PAX2: variants seen among roughly 807,000 people sequenced by gnomAD.
The protein encoded by PAX2 is paired box 2.
PAX2 carries 9 observed loss-of-function variants against 41.7 expected under a neutral mutation model. That is an observed-to-expected ratio of 0.22 (90% CI 0.13 to 0.38). PAX2 has a LOEUF of 0.38. Among genes scored for constraint, PAX2 ranks in the 10% least tolerant of loss-of-function variants. The probability of loss-of-function intolerance (pLI) is 1.00; values close to 1 mark genes in which losing one functional copy is unlikely to be tolerated. For synonymous variants in PAX2, 221 were observed against 212.7 expected (o/e 1.04, Z -0.34); for missense variants, 418 against 531.6 (o/e 0.79, Z 2.10).
At chr10:100,756,030 G>A (rs1468572023) in intron 3 of PAX2, among the ~76,000 whole-genome samples, 1 of 152,146 alleles carries the variant, frequency 6.6e-6, no homozygotes, top group Non-Finnish European at 1.5e-5. Flanking sequence ...CATGTGTTTT[G>A]GACAGCATTT....
At chr10:100,764,332 A>G (rs1845945327) in intron 3 of PAX2, among the ~76,000 whole-genome samples, 1 of 151,710 alleles carries the variant, frequency 6.6e-6, no homozygotes, top group Non-Finnish European at 1.5e-5. Context: ...TTTAGTAGAG[A>G]CAGGGTTTCA....
upstream of PAX2, among the ~76,000 whole-genome samples, chr10:100,744,846 C>G (rs1414020728): frequency 6.6e-6 from 1 of 152,162 alleles, no homozygotes; most frequent in East Asian, 1.9e-4. Context: ...TGCCCAGACC[C>G]GGTGGGCAAG....
intron 1 of PAX2, among the ~76,000 whole-genome samples, chr10:100,738,789 G>A (rs1397757313): frequency 1.3e-5 from 2 of 152,100 alleles, no homozygotes; most frequent in Non-Finnish European, 2.9e-5. Flanking sequence ...TGTAGGTGAC[G>A]CTTGAGATGC....
At position 100,750,123 on chromosome 10, in the gene PAX2, C is replaced by T. The variant is rs184992787; in HGVS notation, c.212+209C>T. ...GAGGGTGGCGCAGTGTCACCCAGTG[C>T]TTGCCCTGCCCCTGGTCCCTGGTGA... On this transcript the variant is annotated intron_variant, in intron 2 of 9. Transcript: ENST00000355243. The surrounding 1 kb of genome is among the most constrained non-coding windows in gnomAD (Gnocchi z 4.1). 5.1e-3 allele frequency among the ~76,000 whole-genome samples: 773 copies of T among 152,314 alleles called. 7 individuals carry two copies. Among genetic ancestry groups the T allele is most frequent in the Admixed American group, 0.012 (189 of 15,310 alleles).
At position 100,771,956 on chromosome 10, in the gene PAX2, G is replaced by A. The variant is rs567180978; in HGVS notation, c.411-7542G>A. Among the ~76,000 whole-genome samples the A allele has an allele frequency of 5.3e-5, 8 of 152,074 alleles. No homozygotes were observed. The East Asian group carries it at 7.7e-4, about 15-fold the overall frequency. ...CCAGTAGCAGGGATTACAGGCATCC[G>A]CCACCATGCCCGGCTAATTTTTGTA... On this transcript the variant is annotated intron_variant, in intron 3 of 9. Coordinates refer to ENST00000355243, the MANE Select transcript of PAX2 (RefSeq NM_000278.5).
chr10:100,745,883 T>A lies in PAX2; in HGVS notation c.-378T>A. ...CGCTCTCCGACCACCGCCTCTCGGATGACCAGGTTCCAGGGGAGCTGAGCG... is the reference window on the plus strand; with the variant it reads ...CGCTCTCCGACCACCGCCTCTCGGAAGACCAGGTTCCAGGGGAGCTGAGCG... On this transcript the variant is annotated 5_prime_UTR_variant, in exon 1 of 10. An upstream start codon of the reference 5' UTR is lost. Coordinates refer to ENST00000355243, the MANE Select transcript of PAX2 (RefSeq NM_000278.5). 1 of 1,106,716 alleles carries A rather than the reference T, an allele frequency of 9.0e-7. No homozygotes were observed. Among genetic ancestry groups the A allele is most frequent in the Admixed American group, 5.3e-5 (1 of 18,790 alleles). The allele number at this position is 1,106,716 out of a possible 1,614,324, so 68.6% of individuals were successfully genotyped here. A position where few individuals can be genotyped will look rare whatever the true frequency, so the allele number is the denominator to read the frequency against.
chr10:100,785,821 T>C (rs1387939182), intron 5 of PAX2, among the ~76,000 whole-genome samples: 1 of 152,104 alleles, frequency 6.6e-6, no homozygotes, highest in East Asian at 1.9e-4. Context: ...GCAGTGGGGC[T>C]CAGTGGGAAT....
At chr10:100,760,891 G>A (rs760755704) in intron 3 of PAX2, among the ~76,000 whole-genome samples, 14 of 152,124 alleles carry the variant, frequency 9.2e-5, no homozygotes, top group African/African-American at 2.9e-4. Context: ...CTCACTCCCC[G>A]CTGCTTCTCT....
At chr10:100,742,093 C>T (rs1016974621), upstream of PAX2, among the ~76,000 whole-genome samples, 4 of 151,794 alleles carry the variant, frequency 2.6e-5, no homozygotes, top group Non-Finnish European at 5.9e-5. Flanking sequence ...GGGTCAGGGC[C>T]CTGCAGGAGG....
rs906970104 is a variant in PAX2 at position 100,746,033 on chromosome 10, G to A, written c.-228G>A. 5.6e-6 allele frequency: 8 copies of A among 1,433,214 alleles called. No individual in the cohort carries two copies. In the African/African-American group the frequency reaches 1.2e-4, roughly 21 times the overall value. The allele number at this position is 1,433,214 out of a possible 1,614,324, so 88.8% of individuals were successfully genotyped here. ...TGCTGACCGCCCAGCCCCGAGCCCC[G>A]ACAGTGGCAAGTTGCGGCTACTGCA... On this transcript the variant is annotated 5_prime_UTR_variant, in exon 1 of 10. Coordinates refer to ENST00000355243, the MANE Select transcript of PAX2 (RefSeq NM_000278.5).
intron 1 of PAX2, among the ~76,000 whole-genome samples, chr10:100,736,423 G>A (rs1384544560): frequency 6.6e-6 from 1 of 152,198 alleles, no homozygotes; most frequent in Admixed American, 6.5e-5. Context: ...GTGCCCTGGT[G>A]TTGTACAGCG....
intron 3 of PAX2, among the ~76,000 whole-genome samples, chr10:100,764,832 A>C (rs1845964722): frequency 6.6e-6 from 1 of 152,162 alleles, no homozygotes; most frequent in Non-Finnish European, 1.5e-5. Context: ...TTTAAAAGAT[A>C]AAATGAAATG....
intron 3 of PAX2, among the ~76,000 whole-genome samples, chr10:100,761,326 G>A (rs114276840): frequency 0.011 from 1,659 of 152,086 alleles, 35 homozygotes; most frequent in African/African-American, 0.038. Flanking sequence ...CTGCGCTCTC[G>A]ACCCTCCGCC....
chr10:100,735,744 C>T, intron 1 of PAX2: 1 of 1,040,552 alleles, frequency 9.6e-7, no homozygotes, highest in East Asian at 5.6e-5. Flanking sequence ...GTAAGAGCGG[C>T]AGAGACCCGT....
At chr10:100,766,729 A>T (rs943283989) in intron 3 of PAX2, among the ~76,000 whole-genome samples, 1 of 152,252 alleles carries the variant, frequency 6.6e-6, no homozygotes, top group Admixed American at 6.5e-5. Context: ...GCAAATGACC[A>T]GGCCAGAGTA....
intron 7 of PAX2, among the ~76,000 whole-genome samples, chr10:100,819,553 A>G (rs1848312595): frequency 6.6e-6 from 1 of 152,202 alleles, no homozygotes; most frequent in Admixed American, 6.5e-5. Context: ...CTGGGTGACG[A>G]GAGCGAGACT....
chr10:100,771,296 G>A (rs988581140), intron 3 of PAX2, among the ~76,000 whole-genome samples: 1 of 152,272 alleles, frequency 6.6e-6, no homozygotes, highest in South Asian at 2.1e-4. Context: ...GAATGGCCTG[G>A]CCCTTATCAG....
At position 100,828,126 on chromosome 10, in the gene PAX2, A is replaced by T. The variant is rs1240442803; in HGVS notation, c.*507A>T. ...GGCCAAGGAGATTAAGAAGAAAACG[A>T]CTTTCTGCAGGAGGAAGAGCCCGCT... On this transcript the variant is annotated 3_prime_UTR_variant, in exon 10 of 10. Coordinates refer to ENST00000355243, the MANE Select transcript of PAX2 (RefSeq NM_000278.5). The surrounding 1 kb of genome is among the most constrained non-coding windows in gnomAD (Gnocchi z 6.5). 2 of 230,734 alleles carry T rather than the reference A, an allele frequency of 8.7e-6. No individual in the cohort carries two copies. 14.3% of individuals were successfully genotyped at this position (230,734 alleles called of 1,614,324 possible).
chr10:100,807,066 C>A (rs960823872), intron 6 of PAX2, among the ~76,000 whole-genome samples: 1 of 152,086 alleles, frequency 6.6e-6, no homozygotes, highest in African/African-American at 2.4e-5. Flanking sequence ...GGAGAGCCTG[C>A]CTGTGCCTGC....
Sources: allele counts gnomAD v4.1 joint callset (sites outside exome capture counted in the v4.1 genomes callset), GRCh38; gene constraint gnomAD v4.1.1; non-coding constraint Gnocchi (gnomAD v3.1); transcripts MANE v1.5; gene names NCBI Gene and HGNC (gene_info 2026-07-23, HGNC 2026-07-21).